The following LCLAT1 variants were observed in gnomAD, a reference collection of about 807,000 sequenced individuals.
LCLAT1 encodes 1-AGP acyltransferase 8.
In LCLAT1, 11 loss-of-function variants were observed where a neutral mutation model predicts 30.7. The observed-to-expected ratio is 0.36, with a 90% confidence interval of 0.23 to 0.59. The LOEUF is 0.59. LCLAT1 is among the 20% of genes least tolerant of loss of function. The pLI is 0.77. For missense variants in LCLAT1, 402 were observed against 458.6 expected (o/e 0.88, Z 1.13); for synonymous variants, 155 against 151.3 (o/e 1.02, Z -0.18).
intron 2 of LCLAT1, among the ~76,000 whole-genome samples, chr2:30,528,169 C>G (rs1206300693): frequency 6.6e-6 from 1 of 152,202 alleles, no homozygotes; most frequent in African/African-American, 2.4e-5. Flanking sequence ...ATCACTTTTG[C>G]TTACTCTATT....
intron 5 of LCLAT1, among the ~76,000 whole-genome samples, chr2:30,587,354 G>A (rs1572661644): frequency 1.3e-5 from 2 of 152,186 alleles, no homozygotes; most frequent in South Asian, 4.2e-4. Context: ...ACTGCGGGAC[G>A]CAACATCTTT....
chr2:30,584,710 A>G (rs1056048481), intron 5 of LCLAT1, among the ~76,000 whole-genome samples: 2 of 152,238 alleles, frequency 1.3e-5, no homozygotes, highest in Admixed American at 1.3e-4. Context: ...AGTTAGTCCA[A>G]CTTTTATCTT....
chr2:30,568,965 A>C (rs1665648862), intron 5 of LCLAT1, among the ~76,000 whole-genome samples: 1 of 151,588 alleles, frequency 6.6e-6, no homozygotes, highest in Admixed American at 6.6e-5. Context: ...TTACTATTTT[A>C]AGCTATAGAG....
At chr2:30,489,653 C>T (rs763276286) in intron 1 of LCLAT1, among the ~76,000 whole-genome samples, 1 of 152,182 alleles carries the variant, frequency 6.6e-6, no homozygotes. Context: ...GCCCAGCCCA[C>T]AGTTATCTTA....
At chr2:30,554,946 T>C (rs1470008884) in intron 3 of LCLAT1, among the ~76,000 whole-genome samples, 1 of 151,372 alleles carries the variant, frequency 6.6e-6, no homozygotes, top group Non-Finnish European at 1.5e-5. Context: ...ATATATTTTC[T>C]TAAACAGAAG....
chr2:30,533,332 T>C lies in LCLAT1; in HGVS notation c.364+18T>C. The C allele has an allele frequency of 1.9e-6, 3 of 1,599,204 alleles. No homozygotes were observed. Among genetic ancestry groups the C allele is most frequent in the Admixed American group, 1.7e-5 (1 of 60,014 alleles). On this transcript the variant is annotated intron_variant, in intron 3 of 5. Coordinates refer to ENST00000379509, the MANE Select transcript of LCLAT1 (RefSeq NM_001002257.3). ...TGGATTTGGTAGGTTATTCACACAT[T>C]ATTTTAAGTGGTTCATTCATTTTAG...
Position 30,568,072 on chromosome 2 carries a change from C to G in LCLAT1, c.524C>G (p.Ser175Cys), listed in dbSNP as rs1649657456. The change falls in exon 5 of 6, where the codon TCT (serine) becomes TGT (cysteine). Residue 175 changes from serine to cysteine, a missense_variant. Transcript: ENST00000379509. ...EGTDLTENSKSRSNAFAEKNG... is the reference protein window; with the variant it reads ...EGTDLTENSKCRSNAFAEKNG... ...TTGTTTTGTTTAGAAAACAGCAAGT[C>G]TCGAAGTAATGCATTTGCTGAAAAA... The G allele has an allele frequency of 6.4e-7, 1 of 1,555,912 alleles. No individual in the cohort carries two copies. The highest frequency in any genetic ancestry group is 8.8e-7 in the Non-Finnish European group (1 of 1,132,998).
At chr2:30,537,664 CAGAT>C (rs1170373853) in intron 3 of LCLAT1, among the ~76,000 whole-genome samples, 8 of 152,084 alleles carry the variant, frequency 5.3e-5, no homozygotes, top group Non-Finnish European at 4.4e-5. Flanking sequence ...CTCTCAGCAA[CAGAT>C]AGATGATCCA....
intron 5 of LCLAT1, among the ~76,000 whole-genome samples, chr2:30,629,794 A>G (rs570383019): frequency 2.4e-4 from 37 of 152,328 alleles, no homozygotes; most frequent in African/African-American, 8.9e-4. Flanking sequence ...ACTTAGAAAT[A>G]TGAAAACTTT....
chr2:30,627,186 G>A (rs779016371), intron 5 of LCLAT1, among the ~76,000 whole-genome samples: 12 of 152,120 alleles, frequency 7.9e-5, no homozygotes, highest in African/African-American at 1.4e-4. Context: ...GGTGTCTGGT[G>A]GGCAGGCACA....
intron 1 of LCLAT1, among the ~76,000 whole-genome samples, chr2:30,448,971 T>G (rs1044420627): frequency 1.3e-5 from 2 of 152,212 alleles, no homozygotes; most frequent in African/African-American, 4.8e-5. Context: ...TATTTGAAAT[T>G]TATTCCTCTG....
At chr2:30,511,419 C>A (rs1055581139) in intron 1 of LCLAT1, among the ~76,000 whole-genome samples, 3 of 152,176 alleles carry the variant, frequency 2.0e-5, no homozygotes, top group Non-Finnish European at 2.9e-5. Flanking sequence ...GGCCACTACC[C>A]ACATGTAGCT....
At chr2:30,595,529 C>G (rs1666893450) in intron 5 of LCLAT1, among the ~76,000 whole-genome samples, 1 of 152,184 alleles carries the variant, frequency 6.6e-6, no homozygotes, top group African/African-American at 2.4e-5. Context: ...GCCTTTCTCA[C>G]CCATTCCTCC....
intron 2 of LCLAT1, among the ~76,000 whole-genome samples, chr2:30,531,907 G>T (rs560991510): frequency 6.6e-6 from 1 of 152,046 alleles, no homozygotes; most frequent in South Asian, 2.1e-4. Context: ...AAAATTTTGC[G>T]TGTAACTGTC....
At chr2:30,593,912 G>T (rs1296885927) in intron 5 of LCLAT1, among the ~76,000 whole-genome samples, 3 of 104,020 alleles carry the variant, frequency 2.9e-5, no homozygotes, top group African/African-American at 4.2e-5. Flanking sequence ...AACAGAGAGA[G>T]ATCCTGTCTC....
intron 1 of LCLAT1, among the ~76,000 whole-genome samples, chr2:30,448,565 A>T (rs912816145): frequency 2.6e-5 from 4 of 152,234 alleles, no homozygotes; most frequent in African/African-American, 9.6e-5. Context: ...CAATAGCTGC[A>T]ATCTCTGGAG....
At chr2:30,568,881 A>G (rs1665642574) in intron 5 of LCLAT1, among the ~76,000 whole-genome samples, 2 of 151,334 alleles carry the variant, frequency 1.3e-5, no homozygotes, top group African/African-American at 4.8e-5. Context: ...AAAAAAAAAA[A>G]AAAGAGAAAA....
At chr2:30,480,612 G>A (rs879388638) in intron 1 of LCLAT1, among the ~76,000 whole-genome samples, 4 of 152,062 alleles carry the variant, frequency 2.6e-5, no homozygotes, top group Non-Finnish European at 5.9e-5. Flanking sequence ...TTCATGCAGG[G>A]TATGATGCTT....
At chr2:30,606,939 C>T (rs1667472466) in intron 5 of LCLAT1, 1 of 152,108 alleles carries the variant, frequency 6.6e-6, no homozygotes, top group African/African-American at 2.4e-5. Context: ...TGAACAGACA[C>T]TTCTCAAAAG....
Sources: gnomAD v4.1 joint callset for allele counts (sites outside exome capture counted in the v4.1 genomes callset) on GRCh38, gnomAD v4.1.1 for gene constraint, MANE v1.5 for transcripts, NCBI Gene and HGNC (gene_info 2026-07-23, HGNC 2026-07-21) for gene names.